Variants in FAM117B observed in about 807,000 individuals in gnomAD.
FAM117B encodes the protein family with sequence similarity 117 member B, also known as protein FAM117B.
In FAM117B, 22 loss-of-function variants were observed where a neutral mutation model predicts 52.8. The ratio of observed to expected loss-of-function variants is 0.42; its 90% CI spans 0.30 to 0.59. FAM117B has a LOEUF of 0.59. FAM117B is among the 20% of genes least tolerant of loss of function. The pLI is 0.22. For missense variants in FAM117B, 678 were observed against 802.6 expected (o/e 0.84, Z 1.88); for synonymous variants, 309 against 324.1 (o/e 0.95, Z 0.50).
intron 1 of FAM117B, among the ~76,000 whole-genome samples, chr2:202,639,892 T>C (rs570176098): frequency 3.3e-5 from 5 of 152,140 alleles, no homozygotes; most frequent in Admixed American, 6.5e-5. Context: ...GTGATAACAT[T>C]GCCTGTGAAC....
At chr2:202,652,080 A>C (rs1450077979) in intron 1 of FAM117B, among the ~76,000 whole-genome samples, 19 of 149,984 alleles carry the variant, frequency 1.3e-4, no homozygotes, top group African/African-American at 2.4e-5. Flanking sequence ...AAAGATAAGG[A>C]CAAGGGATGT....
rs576487985 is a variant in FAM117B at position 202,766,398 on chromosome 2, C to T, written c.*634C>T. The T allele has an allele frequency of 2.6e-5, 4 of 152,748 alleles. No individual in the cohort carries two copies. In the South Asian group the frequency reaches 6.2e-4, roughly 24 times the overall value. The allele number at this position is 152,748 out of a possible 1,614,324, so 9.5% of individuals were successfully genotyped here. A position where few individuals can be genotyped will look rare whatever the true frequency, so the allele number is the denominator to read the frequency against. ...CCAAACAAGGATTGATAGGTAAATGCATTGAACAAGTATATATAAAAAGAG... is the reference window on the plus strand; with the variant it reads ...CCAAACAAGGATTGATAGGTAAATGTATTGAACAAGTATATATAAAAAGAG... On this transcript the variant is annotated 3_prime_UTR_variant, in exon 8 of 8. Coordinates refer to ENST00000392238, the MANE Select transcript of FAM117B (RefSeq NM_173511.4).
chr2:202,656,079 G>T (rs554913274), intron 1 of FAM117B, among the ~76,000 whole-genome samples: 5 of 151,962 alleles, frequency 3.3e-5, no homozygotes, highest in African/African-American at 1.2e-4. Context: ...GCATCCTTTC[G>T]GTCATTCCTG....
chr2:202,635,430 C>CGGCGGT lies in FAM117B; in HGVS notation c.247_252dup (p.Gly83_Gly84dup). 2 of 1,227,350 alleles carry CGGCGGT rather than the reference C, an allele frequency of 1.6e-6. No individual in the cohort carries two copies. The highest frequency in any genetic ancestry group is 4.4e-5 in the Admixed American group (1 of 22,670). The allele number at this position is 1,227,350 out of a possible 1,614,324, so 76.0% of individuals were successfully genotyped here. ...CCTCAGGCCCCGCAGGCGGCGGCGG[C>CGGCGGT]GGCGGTGGCCCGCGCACCGCCTCGC... On this transcript the variant is annotated inframe_insertion, in exon 1 of 8. Coordinates refer to ENST00000392238, the MANE Select transcript of FAM117B (RefSeq NM_173511.4).
chr2:202,699,434 A>AG (rs1303396194), intron 2 of FAM117B, among the ~76,000 whole-genome samples: 1 of 132,004 alleles, frequency 7.6e-6, no homozygotes, highest in African/African-American at 3.0e-5. Flanking sequence ...CTCAAAAAAA[A>AG]AAAAAAAAAA....
At chr2:202,744,277 C>T (rs1279598648) in intron 4 of FAM117B, among the ~76,000 whole-genome samples, 2 of 152,112 alleles carry the variant, frequency 1.3e-5, no homozygotes, top group African/African-American at 2.4e-5. Context: ...CCACTCATGG[C>T]GGAAGGTGAA....
chr2:202,753,147 C>T (rs1240709340), intron 4 of FAM117B, among the ~76,000 whole-genome samples: 1 of 152,206 alleles, frequency 6.6e-6, no homozygotes, highest in Non-Finnish European at 1.5e-5. Context: ...ACCAAAACAG[C>T]ATGGTACTGG....
Position 202,668,444 on chromosome 2 carries a change from C to T in FAM117B, c.602-27437C>T, listed in dbSNP as rs772088279. On this transcript the variant is annotated intron_variant, in intron 1 of 7. Coordinates refer to ENST00000392238, the MANE Select transcript of FAM117B (RefSeq NM_173511.4). Reference sequence around the variant, plus strand: ...TTCGGAGGCTGAGGCAGGAGAATTGCGTAAACCTGAGAAGTGGAGGTTGCA... The same window carrying T: ...TTCGGAGGCTGAGGCAGGAGAATTGTGTAAACCTGAGAAGTGGAGGTTGCA... Among the ~76,000 whole-genome samples the T allele has an allele frequency of 3.1e-3, 433 of 139,540 alleles. 2 individuals are homozygous for T. The highest frequency in any genetic ancestry group is 5.7e-3 in the Non-Finnish European group (378 of 65,916). 91.5% of individuals were successfully genotyped at this position (139,540 alleles called of 152,430 possible).
At chr2:202,675,615 C>T (rs966652254) in intron 1 of FAM117B, among the ~76,000 whole-genome samples, 2 of 152,094 alleles carry the variant, frequency 1.3e-5, no homozygotes, top group African/African-American at 2.4e-5. Flanking sequence ...GTTGTTCCCA[C>T]CTTCTGGTGT....
At position 202,765,977 on chromosome 2, in the gene FAM117B, G is replaced by A; in HGVS notation, c.*213G>A. On this transcript the variant is annotated 3_prime_UTR_variant, in exon 8 of 8. Transcript: ENST00000392238. The stretch of plus-strand genomic sequence containing the variant: ...AGTGCTTAGCCTGCTTTTTATCAAA[G>A]CACTGATTGAAACAAGAAAGGTCTC... 1.8e-6 allele frequency: 1 copy of A among 541,252 alleles called. No individual in the cohort carries two copies. Among genetic ancestry groups the A allele is most frequent in the Non-Finnish European group, 3.3e-6 (1 of 303,926 alleles). 33.5% of individuals were successfully genotyped at this position (541,252 alleles called of 1,614,324 possible). A position where few individuals can be genotyped will look rare whatever the true frequency, so the allele number is the denominator to read the frequency against.
rs543717810 is a variant in FAM117B, at chr2:202,715,839, GGAGGCCGAGGCTGGCGGAT to G, written c.754-9077_754-9059del. 8.6e-4 allele frequency among the ~76,000 whole-genome samples: 131 copies of G among 152,356 alleles called. 3 individuals are homozygous for G. Among genetic ancestry groups the G allele is most frequent in the Admixed American group, 2.8e-3 (43 of 15,306 alleles). Reference sequence around the variant, plus strand: ...CTCCGTCTGCAATCCCGGCACCTCGGGAGGCCGAGGCTGGCGGATCACTTGCGGTTAGGAGATGGAGACC... The same window carrying G: ...CTCCGTCTGCAATCCCGGCACCTCGGCACTTGCGGTTAGGAGATGGAGACC... On this transcript the variant is annotated intron_variant, in intron 2 of 7. Coordinates refer to ENST00000392238, the MANE Select transcript of FAM117B (RefSeq NM_173511.4).
intron 1 of FAM117B, among the ~76,000 whole-genome samples, chr2:202,685,630 T>C (rs933500619): frequency 3.3e-5 from 5 of 152,180 alleles, no homozygotes; most frequent in East Asian, 3.8e-4. Context: ...TAATAGAACA[T>C]TGAGAAATAA....
intron 4 of FAM117B, among the ~76,000 whole-genome samples, chr2:202,739,999 C>T (rs1291683652): frequency 6.6e-6 from 1 of 151,368 alleles, no homozygotes; most frequent in Non-Finnish European, 1.5e-5. Flanking sequence ...TGGTGAAACC[C>T]TGTCTCTACT....
intron 7 of FAM117B, among the ~76,000 whole-genome samples, chr2:202,760,780 G>A (rs1297238479): frequency 6.6e-6 from 1 of 152,148 alleles, no homozygotes; most frequent in African/African-American, 2.4e-5. Context: ...TTGGTTTTCT[G>A]TGGCAGGGAG....
chr2:202,698,339 G>A (rs1304374166), intron 2 of FAM117B, among the ~76,000 whole-genome samples: 2 of 152,108 alleles, frequency 1.3e-5, no homozygotes, highest in Admixed American at 6.5e-5. Flanking sequence ...GGATTACCTT[G>A]GTGTTTATAC....
intron 1 of FAM117B, among the ~76,000 whole-genome samples, chr2:202,652,966 A>C (rs1354610974): frequency 2.0e-5 from 3 of 152,164 alleles, no homozygotes; most frequent in Non-Finnish European, 4.4e-5. Flanking sequence ...CTGTTAAAAA[A>C]TAAAAAAAAC....
Position 202,635,723 on chromosome 2 carries a change from G to A in FAM117B, c.536G>A (p.Arg179Lys). ...PPPARVRHRR[R>K]SPEQSRSSPE... Reference sequence around the variant, plus strand: ...CCAGCCCGCGTCCGGCATCGGAGGAGGTCTCCGGAGCAGAGCCGAAGCTCG... The same window carrying A: ...CCAGCCCGCGTCCGGCATCGGAGGAAGTCTCCGGAGCAGAGCCGAAGCTCG... The change falls in exon 1 of 8, where the codon AGG (arginine) becomes AAG (lysine). Residue 179 changes from arginine (R) to lysine (K), a missense_variant. Coordinates refer to ENST00000392238, the MANE Select transcript of FAM117B (RefSeq NM_173511.4). The A allele has an allele frequency of 1.4e-6, 2 of 1,447,178 alleles. No homozygotes were observed. Among genetic ancestry groups the A allele is most frequent in the Non-Finnish European group, 1.8e-6 (2 of 1,102,248 alleles). The allele number at this position is 1,447,178 out of a possible 1,614,324, so 89.6% of individuals were successfully genotyped here.
At chr2:202,713,616 G>A (rs573905606) in intron 2 of FAM117B, among the ~76,000 whole-genome samples, 1 of 152,118 alleles carries the variant, frequency 6.6e-6, no homozygotes, top group South Asian at 2.1e-4. Flanking sequence ...TTTATTTCAA[G>A]TTTTTCTTGT....
intron 1 of FAM117B, among the ~76,000 whole-genome samples, chr2:202,661,979 A>G (rs1690136331): frequency 1.3e-5 from 2 of 152,092 alleles, no homozygotes; most frequent in South Asian, 4.1e-4. Flanking sequence ...TAAGTATCCA[A>G]AGGAAATGAA....
Sources: gnomAD v4.1 joint callset for allele counts (sites outside exome capture counted in the v4.1 genomes callset) on GRCh38, gnomAD v4.1.1 for gene constraint, MANE v1.5 for transcripts, NCBI Gene and HGNC (gene_info 2026-07-23, HGNC 2026-07-21) for gene names.